Variants in HERC1 observed in about 807,000 individuals in gnomAD.
HERC1 encodes the protein HECT and RLD domain containing E3 ubiquitin protein ligase family member 1.
HERC1 carries 160 observed loss-of-function variants against 554.3 expected under a neutral mutation model. That is an observed-to-expected ratio of 0.29 (90% CI 0.25 to 0.33). The LOEUF (loss-of-function observed/expected upper bound fraction) is 0.33, where lower values mean the gene tolerates loss of function less well. Among genes scored for constraint, HERC1 ranks in the 10% least tolerant of loss-of-function variants. The pLI is 1.00. For synonymous variants in HERC1, 2,175 were observed against 2,131.7 expected, an observed-to-expected ratio of 1.02 and a Z score of -0.56; for missense variants, 4,919 against 5,918.5, an observed-to-expected ratio of 0.83 and a Z score of 5.54.
At chr15:63,689,192 A>C (rs1399539975) in intron 33 of HERC1, among the ~76,000 whole-genome samples, 1 of 151,496 alleles carries the variant, frequency 6.6e-6, no homozygotes, top group Admixed American at 6.6e-5. Flanking sequence ...GTAAAGTAAG[A>C]AGTGGAAAAA....
chr15:63,784,874 G>C (rs1364006115), intron 1 of HERC1, among the ~76,000 whole-genome samples: 1 of 152,224 alleles, frequency 6.6e-6, no homozygotes, highest in African/African-American at 2.4e-5. Flanking sequence ...GCCTCCCAAA[G>C]TGCTGGGATT....
At chr15:63,743,239 C>CT (rs1046153649) in intron 12 of HERC1, among the ~76,000 whole-genome samples, 2 of 125,378 alleles carry the variant, frequency 1.6e-5, no homozygotes, top group Admixed American at 8.1e-5. Flanking sequence ...TGTGTATTTT[C>CT]TTTTTTTTTC....
At chr15:63,628,509 G>C (rs1001444362) in intron 70 of HERC1, among the ~76,000 whole-genome samples, 168 bp downstream of exon 70, 2 of 152,240 alleles carry the variant, frequency 1.3e-5, no homozygotes, top group Non-Finnish European at 2.9e-5. Flanking sequence ...ACAAATGCCT[G>C]CTATGAAAAT....
chr15:63,622,854 G>T lies in HERC1; in HGVS notation c.13649C>A (p.Ser4550Tyr). The change falls in exon 74 of 78, where the codon TCT (serine) becomes TAT (tyrosine). Residue 4550 changes from serine to tyrosine, a missense_variant. By Grantham distance (144) the Ser-to-Tyr change is moderately radical. Transcript: ENST00000443617. ...ACCCACTTCTGCGGTGGCATTGGGA[G>T]AGGGTATAAGAAGGTCAACAATACC... ...ETGIVDLLIP[S>Y]PNATAEVGYN... 6.2e-7 allele frequency: 1 copy of T among 1,606,870 alleles called. No homozygotes were observed.
At chr15:63,617,134 A>G (rs1393722455) in intron 74 of HERC1, among the ~76,000 whole-genome samples, 1 of 151,982 alleles carries the variant, frequency 6.6e-6, no homozygotes, top group Non-Finnish European at 1.5e-5. Context: ...AACATTAGGT[A>G]TATCTCCTAA....
chr15:63,669,629 A>T lies in HERC1; in HGVS notation c.8115T>A (p.Ser2705=), dbSNP rs2070802992. ...PTRRAQTPPI[S]SLPTSPSDEV... The stretch of plus-strand genomic sequence containing the variant: ...CATCAGAAGGAGAGGTTGGTAACGA[A>T]GATATTGGAGGAGTCTGTGCCCGAC... Residue 2705 remains serine (S), a synonymous_variant, in exon 40 of 78, where the codon TCT becomes TCA. Coordinates refer to ENST00000443617, the MANE Select transcript of HERC1 (RefSeq NM_003922.4). 6.2e-7 allele frequency: 1 copy of T among 1,613,802 alleles called. No homozygotes were observed. Among genetic ancestry groups the T allele is most frequent in the Admixed American group, 1.7e-5 (1 of 60,006 alleles).
chr15:63,754,140 C>T (rs752909833), intron 7 of HERC1, among the ~76,000 whole-genome samples: 1 of 151,322 alleles, frequency 6.6e-6, no homozygotes, highest in Non-Finnish European at 1.5e-5. Context: ...CATCACTGCA[C>T]TCTAGCCTGG....
rs201523092 is a variant in HERC1 at position 63,674,642 on chromosome 15, T to C, written c.7546A>G (p.Met2516Val). The C allele has an allele frequency of 3.7e-5, 59 of 1,613,580 alleles. No homozygotes were observed. Among genetic ancestry groups the C allele is most frequent in the Non-Finnish European group, 4.5e-5 (53 of 1,179,744 alleles). Residue 2516 changes from methionine (M) to valine (V), a missense_variant, in exon 38 of 78, where the codon ATG becomes GTG. By Grantham distance (21) the Met-to-Val change is conservative. Coordinates refer to ENST00000443617, the MANE Select transcript of HERC1 (RefSeq NM_003922.4). Reference protein sequence around the residue: ...VQLSYLYLGAMKSLSALLGCS... With the variant: ...VQLSYLYLGAVKSLSALLGCS... ...CCAAGAAGGGCACTAAGTGACTTCA[T>C]AGCACCGAGGTAAAGATAGGACAGC... is the stretch of plus-strand genomic sequence containing the variant.
chr15:63,636,273 G>GTTT (rs377344540), intron 64 of HERC1, 131 bp from the exon 65 acceptor site: 2,067 of 522,188 alleles, frequency 4.0e-3, no homozygotes, highest in Middle Eastern at 5.5e-3. Context: ...AATTTCATTA[G>GTTT]TTTTTTTTTT....
chr15:63,813,599 C>T (rs1371241817), intron 1 of HERC1, among the ~76,000 whole-genome samples: 1 of 152,090 alleles, frequency 6.6e-6, no homozygotes, highest in African/African-American at 2.4e-5. Flanking sequence ...TAATTTTTTA[C>T]CTACTCACCT....
intron 34 of HERC1, among the ~76,000 whole-genome samples, chr15:63,681,679 C>G (rs149476899): frequency 5.3e-5 from 8 of 152,288 alleles, no homozygotes; most frequent in Non-Finnish European, 1.0e-4. Context: ...AATACCTGCT[C>G]TCCTTCTGGG....
chr15:63,749,140 C>T lies in HERC1; in HGVS notation c.2219+227G>A, dbSNP rs1451507901. Among the ~76,000 whole-genome samples, 1 of 152,080 alleles carries T rather than the reference C, an allele frequency of 6.6e-6. No homozygotes were observed. The highest frequency in any genetic ancestry group is 6.6e-5 in the Admixed American group (1 of 15,260). ...ACTCAAAATGTTTAAAAGACAATGT[C>T]TTAAATACTGGGTATGACTTCTTGC... is the stretch of plus-strand genomic sequence containing the variant. On this transcript the variant is annotated intron_variant, in intron 10 of 77. Coordinates refer to ENST00000443617, the MANE Select transcript of HERC1 (RefSeq NM_003922.4). The surrounding 1 kb of genome is among the most constrained non-coding windows in gnomAD (Gnocchi z 4.1).
Position 63,677,869 on chromosome 15 carries a change from C to T in HERC1, c.7046G>A (p.Trp2349Ter). The change falls in exon 37 of 78, where the codon TGG becomes TAG. Residue 2349 changes from tryptophan (W) to a stop codon, truncating the protein, a stop_gained. Transcript: ENST00000443617. LOFTEE classifies it high-confidence loss of function. The surrounding 1 kb of genome is among the most constrained non-coding windows in gnomAD (Gnocchi z 4.4). ...CCTGATAGTAATTTCTGCTTCATCC[C>T]ATTGGACCTTGGCAGACGTGCTGCC... Reference protein sequence around the residue: ...KEGSTSAKVQWDEAEITISFP... With the variant: ...KEGSTSAKVQ 1 of 1,613,876 alleles carries T rather than the reference C, an allele frequency of 6.2e-7. No individual in the cohort carries two copies. Among genetic ancestry groups the T allele is most frequent in the Non-Finnish European group, 8.5e-7 (1 of 1,179,836 alleles).
Position 63,633,906 on chromosome 15 carries a change from C to T in HERC1, c.12635G>A (p.Gly4212Glu). 1 of 1,613,774 alleles carries T rather than the reference C, an allele frequency of 6.2e-7. No homozygotes were observed. The highest frequency in any genetic ancestry group is 8.5e-7 in the Non-Finnish European group (1 of 1,179,796). Residue 4212 changes from glycine (G) to glutamate (E), a missense_variant, in exon 67 of 78, where the codon GGA (glycine) becomes GAA (glutamate). Coordinates refer to ENST00000443617, the MANE Select transcript of HERC1 (RefSeq NM_003922.4). ...SADGSMVWAFGDGDYGKLGLG... is the reference protein window; with the variant it reads ...SADGSMVWAFEDGDYGKLGLG... ...GCCTAGTTTTCCATAGTCTCCATCTCCAAAAGCCCACACCATGGAACCATC... is the reference window on the plus strand; with the variant it reads ...GCCTAGTTTTCCATAGTCTCCATCTTCAAAAGCCCACACCATGGAACCATC...
intron 39 of HERC1, among the ~76,000 whole-genome samples, chr15:63,671,066 G>A (rs767035834): frequency 3.3e-5 from 5 of 151,856 alleles, no homozygotes; most frequent in Non-Finnish European, 7.4e-5. Flanking sequence ...AGCCGGGAGT[G>A]GTAGCACATG....
At chr15:63,748,759 A>G (rs2075143743) in intron 10 of HERC1, among the ~76,000 whole-genome samples, 1 of 152,202 alleles carries the variant, frequency 6.6e-6, no homozygotes, top group South Asian at 2.1e-4. Context: ...AATGCAAATA[A>G]AATACATTCT....
Position 63,652,468 on chromosome 15 carries a change from C to T in HERC1, c.10364G>A (p.Trp3455Ter). Residue 3455 changes from tryptophan to a stop codon, truncating the protein, a stop_gained, in exon 52 of 78, where the codon TGG (tryptophan) becomes TAG (stop). Coordinates refer to ENST00000443617, the MANE Select transcript of HERC1 (RefSeq NM_003922.4). LOFTEE classifies it high-confidence loss of function. ...TGAATATTGCTTCTTGGTAACATTC[C>T]ATACGCGGATGGTGCCATCATTGCC... ...TSGNDGTIRVWNVTKKQYSLQ... is the reference protein window; with the variant it reads ...TSGNDGTIRV 1 of 1,611,714 alleles carries T rather than the reference C, an allele frequency of 6.2e-7. No homozygotes were observed. The highest frequency in any genetic ancestry group is 1.3e-5 in the African/African-American group (1 of 75,036).
At chr15:63,801,495 G>A (rs1461500824) in intron 1 of HERC1, among the ~76,000 whole-genome samples, 1 of 152,200 alleles carries the variant, frequency 6.6e-6, no homozygotes, top group Admixed American at 6.5e-5. Flanking sequence ...GTTGTCAGAA[G>A]TGCTGTGAGT....
Position 63,637,447 on chromosome 15 carries a change from G to A in HERC1, c.12232+58C>T, listed in dbSNP as rs148272811. ...GTTTGAGAAGGGCAAAGGTTTGTAC[G>A]ACCAAACCTACATTAGGCCTTAGGT... On this transcript the variant is annotated intron_variant, in intron 64 of 77. Coordinates refer to ENST00000443617, the MANE Select transcript of HERC1 (RefSeq NM_003922.4). The A allele has an allele frequency of 4.0e-5, 58 of 1,456,406 alleles. No individual in the cohort carries two copies. In the African/African-American group the frequency reaches 4.1e-4, roughly 10 times the overall value. The allele number at this position is 1,456,406 out of a possible 1,614,324, so 90.2% of individuals were successfully genotyped here.
Sources: gnomAD v4.1 joint callset for allele counts (sites outside exome capture counted in the v4.1 genomes callset) on GRCh38, gnomAD v4.1.1 for gene constraint, Gnocchi (gnomAD v3.1) non-coding constraint, MANE v1.5 for transcripts, NCBI Gene and HGNC (gene_info 2026-07-23, HGNC 2026-07-21) for gene names.